The following C1R variants were observed in gnomAD, a reference collection of about 807,000 sequenced individuals.
The protein encoded by C1R is complement C1r.
A neutral mutation model predicts 27.6 loss-of-function variants in C1R; 15 were observed. The observed-to-expected ratio is 0.54, with a 90% confidence interval of 0.36 to 0.84. C1R has a LOEUF of 0.84. Among genes scored for constraint, C1R ranks in the 40% least tolerant of loss-of-function variants. C1R has a pLI of 0.01. For missense variants in C1R, 544 were observed against 577.9 expected (o/e 0.94, Z 0.60); for synonymous variants, 253 against 228.8 (o/e 1.11, Z -0.95).
chr12:7,089,212 T>A, intron 5 of C1R, 81 bp downstream of exon 5: 1 of 716,622 alleles, frequency 1.4e-6, no homozygotes, highest in Non-Finnish European at 2.6e-6. Context: ...GGCCAGGGGA[T>A]CCAGGAGGAA....
Position 7,086,425 on chromosome 12 carries a change from G to T in C1R, c.1071C>A (p.Val357=). 2.5e-6 allele frequency: 1 copy of T among 398,726 alleles called. No individual in the cohort carries two copies. The highest frequency in any genetic ancestry group is 1.3e-4 in the South Asian group (1 of 7,858). The allele number at this position is 398,726 out of a possible 1,614,324, so 24.7% of individuals were successfully genotyped here. ...GATGCCACGTGCCATCATCCTGGCA[G>T]ACAGCTGTGAAGGAATGCAGCACCT... is the stretch of plus-strand genomic sequence containing the variant. The part of the protein sequence containing the change: ...GNQVLHSFTA[V]CQDDGTWHRA... The change falls in exon 8 of 11, where the codon GTC becomes GTA. Residue 357 remains valine (V), a synonymous_variant. Coordinates refer to ENST00000647956, the MANE Select transcript of C1R (RefSeq NM_001733.7).
chr12:7,088,700 G>A lies in C1R; in HGVS notation c.948C>T (p.Asp316=), dbSNP rs1014763885. ...GCAGGTTCTGGATGATGGTGAACTC[G>A]TCTAGGGTCTTGGGCTGGGGGCACT... The part of the protein sequence containing the change: ...IIKCPQPKTL[D]EFTIIQNLQP... The change falls in exon 7 of 11, where the codon GAC becomes GAT. Residue 316 remains aspartate (D), a synonymous_variant. Transcript: ENST00000647956. The A allele has an allele frequency of 1.9e-5, 15 of 775,798 alleles. No individual in the cohort carries two copies. Among genetic ancestry groups the A allele is most frequent in the East Asian group, 4.9e-5 (2 of 41,170 alleles). The allele number at this position is 775,798 out of a possible 1,614,324, so 48.1% of individuals were successfully genotyped here.
intron 1 of C1R, 144 bp downstream of exon 1, chr12:7,092,243 T>A: frequency 1.4e-6 from 1 of 720,178 alleles, no homozygotes; most frequent in Non-Finnish European, 2.6e-6. Flanking sequence ...GGGCGTGTGT[T>A]GTGTGTGTCC....
intron 7 of C1R, chr12:7,087,857 T>C (rs1260449463): frequency 1.9e-5 from 3 of 155,102 alleles, no homozygotes; most frequent in Admixed American, 1.3e-4. Flanking sequence ...CCTAGGTCTC[T>C]TCTTTGATTC....
intron 7 of C1R, 90 bp from the exon 8 acceptor site, chr12:7,086,547 CCAAGA>C (rs1938159751): frequency 2.5e-6 from 1 of 396,466 alleles, no homozygotes; most frequent in Non-Finnish European, 4.4e-6. Context: ...GGAGGCAATA[CCAAGA>C]CATCTCTTGG....
At chr12:7,088,769 C>A (rs201493518) in intron 6 of C1R, 38 bp from the exon 7 acceptor site, 13 of 775,948 alleles carry the variant, frequency 1.7e-5, no homozygotes, top group Admixed American at 1.2e-4. Context: ...ATTTCAGAGC[C>A]ACTTGTCCTT....
In C1R at chr12:7,092,414, G is replaced by A. The variant is rs746380204; in HGVS notation, c.-26C>T. 1.3e-6 allele frequency: 1 copy of A among 780,738 alleles called. No homozygotes were observed. The highest frequency in any genetic ancestry group is 2.4e-6 in the Non-Finnish European group (1 of 417,954). 48.4% of individuals were successfully genotyped at this position (780,738 alleles called of 1,614,324 possible). On this transcript the variant is annotated 5_prime_UTR_variant, in exon 1 of 11. Coordinates refer to ENST00000647956, the MANE Select transcript of C1R (RefSeq NM_001733.7). ...TTCTCAAGGCCCGTGTTGAATCCTGGGCTCTCCCGACAGCGTCTTCGTGCA... is the reference window on the plus strand; with the variant it reads ...TTCTCAAGGCCCGTGTTGAATCCTGAGCTCTCCCGACAGCGTCTTCGTGCA...
chr12:7,089,308 G>C lies in C1R; in HGVS notation c.753C>G (p.Pro251=), dbSNP rs1376957380. 1.3e-6 allele frequency: 1 copy of C among 780,318 alleles called. No individual in the cohort carries two copies. Among genetic ancestry groups the C allele is most frequent in the East Asian group, 2.4e-5 (1 of 41,242 alleles). The allele number at this position is 780,318 out of a possible 1,614,324, so 48.3% of individuals were successfully genotyped here. Residue 251 remains proline (P), a synonymous_variant, in exon 5 of 11, where the codon CCC becomes CCG. Transcript: ENST00000647956. ...DIDDHQQVHC[P]YDQLQIYANG... Reference sequence around the variant, plus strand: ...ACGGCTGTACCTGTAGCTGGTCATAGGGGCAGTGTACTTGCTGGTGGTCAT... The same window carrying C: ...ACGGCTGTACCTGTAGCTGGTCATACGGGCAGTGTACTTGCTGGTGGTCAT...
intron 9 of C1R, among the ~76,000 whole-genome samples, chr12:7,085,002 G>T (rs1938121288): frequency 6.7e-6 from 1 of 149,578 alleles, no homozygotes; most frequent in African/African-American, 2.5e-5. Flanking sequence ...GGTGATGGTG[G>T]TGGTGATGGT....
Position 7,091,044 on chromosome 12 carries a change from T to G in C1R, c.231+408A>C, listed in dbSNP as rs1248977816. On this transcript the variant is annotated intron_variant, in intron 2 of 10. Transcript: ENST00000647956. The surrounding 1 kb of genome is among the most constrained non-coding windows in gnomAD (Gnocchi z 5.1). ...TGAGCACACTGTCCTTGCTGAAGGC[T>G]ATTCCTGTGCTGCCAGAGCCCACAT... The G allele has an allele frequency of 4.0e-6, 1 of 247,242 alleles. No homozygotes were observed. Among genetic ancestry groups the G allele is most frequent in the Non-Finnish European group, 7.9e-6 (1 of 126,788 alleles). The allele number at this position is 247,242 out of a possible 1,614,324, so 15.3% of individuals were successfully genotyped here. A position where few individuals can be genotyped will look rare whatever the true frequency, so the allele number is the denominator to read the frequency against.
In C1R at chr12:7,091,805, CCT is replaced by C. The variant is rs1938282996; in HGVS notation, c.3-127_3-126del. The C allele has an allele frequency of 1.4e-6, 1 of 709,684 alleles. No homozygotes were observed. Among genetic ancestry groups the C allele is most frequent in the Admixed American group, 2.0e-5 (1 of 49,992 alleles). 44.0% of individuals were successfully genotyped at this position (709,684 alleles called of 1,614,324 possible). A position where few individuals can be genotyped will look rare whatever the true frequency, so the allele number is the denominator to read the frequency against. ...CATTCTCCTCTCTGCCCACCCTGAA[CCT>C]CACAGACATGTTCTCAGCAGGGGTG... On this transcript the variant is annotated intron_variant, in intron 1 of 10. Transcript: ENST00000647956. This position sits in a 1 kb window ranked among gnomAD's most constrained non-coding sequence, Gnocchi z 5.1.
Position 7,081,239 on chromosome 12 carries a change from T to C in C1R, c.1411A>G (p.Lys471Glu). 6.2e-7 allele frequency: 1 copy of C among 1,613,068 alleles called. No homozygotes were observed. The highest frequency in any genetic ancestry group is 1.1e-5 in the South Asian group (1 of 90,884). ...ACCTGCCAGGGGAAGTTGCCCATCT[T>C]GGCTTTTTGCCCTCCGATGATGCGC... ...RQRIIGGQKA[K>E]MGNFPWQVFT... is the part of the protein sequence containing the mutation. Residue 471 changes from lysine to glutamate, a missense_variant, in exon 11 of 11, where the codon AAG becomes GAG. Physicochemically the swap from Lys to Glu is moderately conservative, Grantham distance 56. This residue lies in a region of C1R where 253 missense variants were observed against 368.9 expected (regional missense o/e 0.69). Transcript: ENST00000647956.
intron 9 of C1R, among the ~76,000 whole-genome samples, chr12:7,083,642 T>TTGG (rs1938107933): frequency 0.021 from 3 of 140 alleles, no homozygotes; most frequent in Admixed American, 0.12. Context: ...GATGATGGTG[T>TTGG]TGGTGGTGNN....
At chr12:7,085,738 C>G (rs1305068200) in intron 9 of C1R, 123 bp downstream of exon 9, 8 of 396,856 alleles carry the variant, frequency 2.0e-5, no homozygotes, top group Non-Finnish European at 3.5e-5. Context: ...AATTTAGGCC[C>G]CTGAAGCCAG....
chr12:7,090,554 CCCCTGGGGTCCTGGTTGTCTGTA>C (rs1423885597), intron 2 of C1R, among the ~76,000 whole-genome samples: 2 of 152,220 alleles, frequency 1.3e-5, no homozygotes, highest in African/African-American at 4.8e-5. Context: ...ATGGCCTGTT[CCCCTGGGGTCCTGGTTGTCTGTA>C]CCCAGCCTTT....
chr12:7,091,187 T>C lies in C1R; in HGVS notation c.231+265A>G, dbSNP rs7308467. On this transcript the variant is annotated intron_variant, in intron 2 of 10. Transcript: ENST00000647956. This position sits in a 1 kb window ranked among gnomAD's most constrained non-coding sequence, Gnocchi z 5.1. Reference sequence around the variant, plus strand: ...CAAAGACTCTCAGCTAGACAGCAGATGGGGAAGGTTTTCCTGACTCAGTGG... The same window carrying C: ...CAAAGACTCTCAGCTAGACAGCAGACGGGGAAGGTTTTCCTGACTCAGTGG... 0.31 allele frequency: 142,438 copies of C among 465,348 alleles called. 23,249 individuals carry two copies. The highest frequency in any genetic ancestry group is 0.41 in the Admixed American group (9,846 of 23,936). The allele number at this position is 465,348 out of a possible 1,614,324, so 28.8% of individuals were successfully genotyped here. A position where few individuals can be genotyped will look rare whatever the true frequency, so the allele number is the denominator to read the frequency against.
At chr12:7,081,803 G>T (rs960194358) in intron 10 of C1R, among the ~76,000 whole-genome samples, 3 of 152,030 alleles carry the variant, frequency 2.0e-5, no homozygotes, top group Non-Finnish European at 4.4e-5. Context: ...CCTTGTTCTT[G>T]TTTATTTCTT....
At chr12:7,088,417 A>T (rs1229697341) in intron 7 of C1R, 193 bp downstream of exon 7, 1 of 703,232 alleles carries the variant, frequency 1.4e-6, no homozygotes, top group East Asian at 2.7e-5. Context: ...GAATGGGCTC[A>T]AGCAATCTTC....
chr12:7,086,483 AT>A (rs1938158484), intron 7 of C1R, 26 bp from the exon 8 acceptor site: 1 of 398,516 alleles, frequency 2.5e-6, no homozygotes, highest in African/African-American at 2.1e-5. Context: ...TAGAGGTGCC[AT>A]CAGTGCCAAG....
Sources: gnomAD v4.1 joint callset for allele counts (sites outside exome capture counted in the v4.1 genomes callset) on GRCh38, gnomAD v4.1.1 for gene constraint, gnomAD v4.1.1 regional missense constraint, Gnocchi (gnomAD v3.1) non-coding constraint, MANE v1.5 for transcripts, NCBI Gene and HGNC (gene_info 2026-07-23, HGNC 2026-07-21) for gene names.